FAAH2: variants seen among roughly 807,000 people sequenced by gnomAD.
The protein encoded by FAAH2 is fatty-acid amide hydrolase 2.
FAAH2 carries 60 observed loss-of-function variants against 36.9 expected under a neutral mutation model. The ratio of observed to expected loss-of-function variants is 1.63; its 90% CI spans 1.32 to 2.02. The LOEUF (loss-of-function observed/expected upper bound fraction) is 2.02, where lower values mean the gene tolerates loss of function less well. FAAH2 is among the 30% of genes most tolerant of loss of function. The probability of loss-of-function intolerance (pLI) is 0.00; values close to 1 mark genes in which losing one functional copy is unlikely to be tolerated. For synonymous variants in FAAH2, 214 were observed against 143.8 expected (o/e 1.49, Z -3.49); for missense variants, 689 against 397.5 (o/e 1.73, Z -6.23).
At chrX:57,199,319 C>T in the FAAH2 span, among the ~76,000 whole-genome samples, 1 of 110,592 alleles carries the variant, frequency 9.0e-6, no homozygotes, top group Non-Finnish European at 1.9e-5. Context: ...TTTTCAATTT[C>T]CTTCTCAATT....
chrX:57,194,174 G>A, the FAAH2 span, among the ~76,000 whole-genome samples: 1 of 111,217 alleles, frequency 9.0e-6, no homozygotes, highest in Admixed American at 9.5e-5. Context: ...ATTACTAGGG[G>A]ACTTTTTATT....
chrX:57,229,331 G>A, the FAAH2 span: 1 of 111,457 alleles, frequency 9.0e-6, no homozygotes, highest in Non-Finnish European at 1.9e-5. Flanking sequence ...ACAATGGACG[G>A]CATCATTCCC....
rs1320633169 is a variant in FAAH2, at chrX:57,352,045, T to C, written c.742+10655T>C. 2.3e-3 allele frequency among the ~76,000 whole-genome samples: 39 copies of C among 16,724 alleles called. 3 individuals carry two copies. The highest frequency in any genetic ancestry group is 0.041 in the East Asian group (2 of 49). 14.5% of individuals were successfully genotyped at this position (16,724 alleles called of 115,157 possible). On this transcript the variant is annotated intron_variant, in intron 5 of 10. Transcript: ENST00000374900. ...GTATATATATATATATACATATATA[T>C]ATGTGTATATATATATATATACACA... is the stretch of plus-strand genomic sequence containing the variant.
At chrX:57,411,606 C>T (rs947298621) in intron 7 of FAAH2, among the ~76,000 whole-genome samples, 4 of 111,892 alleles carry the variant, frequency 3.6e-5, no homozygotes, top group Non-Finnish European at 7.5e-5. Flanking sequence ...TAGTTAACTG[C>T]AGAGAATTCA....
chrX:57,231,242 AG>A, the FAAH2 span, among the ~76,000 whole-genome samples: 4 of 110,997 alleles, frequency 3.6e-5, no homozygotes, highest in Non-Finnish European at 7.6e-5. Context: ...TGGCCATTAT[AG>A]GTCAAGATCA....
chrX:57,300,144 G>T (rs1182126927), intron 2 of FAAH2, among the ~76,000 whole-genome samples: 2 of 111,254 alleles, frequency 1.8e-5, no homozygotes, highest in Non-Finnish European at 3.8e-5. Flanking sequence ...AGCCCGCATT[G>T]CCAAGTCAAT....
the FAAH2 span, among the ~76,000 whole-genome samples, chrX:57,244,632 C>A: frequency 9.0e-6 from 1 of 111,598 alleles, no homozygotes; most frequent in African/African-American, 3.3e-5. Flanking sequence ...CCAAACTAAT[C>A]TTCATAAGTG....
the FAAH2 span, among the ~76,000 whole-genome samples, chrX:57,122,317 C>T: frequency 9.0e-5 from 10 of 111,394 alleles, no homozygotes; most frequent in Non-Finnish European, 1.3e-4. Flanking sequence ...TTTCATTCAA[C>T]AAATATTTAT....
the FAAH2 span, among the ~76,000 whole-genome samples, chrX:57,147,757 C>A: frequency 2.7e-5 from 3 of 111,742 alleles, no homozygotes; most frequent in African/African-American, 9.7e-5. Context: ...TAGGTTCTTT[C>A]ACTATTATCA....
At chrX:57,363,530 C>T (rs769788591) in intron 5 of FAAH2, among the ~76,000 whole-genome samples, 4 of 111,114 alleles carry the variant, frequency 3.6e-5, no homozygotes, top group Admixed American at 2.9e-4. Context: ...AAATGACTTC[C>T]TTTCTTTTAT....
chrX:57,389,357 C>G (rs2055108684), intron 7 of FAAH2, among the ~76,000 whole-genome samples: 1 of 104,825 alleles, frequency 9.5e-6, no homozygotes, highest in African/African-American at 3.4e-5. Flanking sequence ...ACCCTCTGAC[C>G]AATATAGCTT....
At chrX:57,124,532 T>C in the FAAH2 span, among the ~76,000 whole-genome samples, 2 of 112,171 alleles carry the variant, frequency 1.8e-5, no homozygotes, top group Non-Finnish European at 3.8e-5. Context: ...TTTTTCCAAT[T>C]CTGTGAAGAA....
At chrX:57,468,748 T>A (rs1450201435) in intron 10 of FAAH2, among the ~76,000 whole-genome samples, 1 of 111,171 alleles carries the variant, frequency 9.0e-6, no homozygotes, top group Non-Finnish European at 1.9e-5. Flanking sequence ...ATACAGAGAA[T>A]GCTGCAAAGA....
chrX:57,225,905 C>A, the FAAH2 span, among the ~76,000 whole-genome samples: 3 of 112,009 alleles, frequency 2.7e-5, no homozygotes, highest in Non-Finnish European at 3.8e-5. Flanking sequence ...CTCTTTGTGT[C>A]TTTTAACCAC....
chrX:57,448,439 A>G lies in FAAH2; in HGVS notation c.1229-85A>G, dbSNP rs963055444. On this transcript the variant is annotated intron_variant, in intron 9 of 10. Coordinates refer to ENST00000374900, the MANE Select transcript of FAAH2 (RefSeq NM_174912.4). Reference sequence around the variant, plus strand: ...TCTCAGTGTTCTATAATGAACATGTATTACTTGAATAAGAAAAGATAAAGA... The same window carrying G: ...TCTCAGTGTTCTATAATGAACATGTGTTACTTGAATAAGAAAAGATAAAGA... 4 of 856,139 alleles carry G rather than the reference A, an allele frequency of 4.7e-6. No homozygotes were observed. In the Admixed American group the frequency reaches 1.1e-4, roughly 23 times the overall value. 70.6% of individuals were successfully genotyped at this position (856,139 alleles called of 1,213,427 possible).
chrX:57,329,392 C>T (rs1043051985), intron 3 of FAAH2, among the ~76,000 whole-genome samples: 2 of 111,142 alleles, frequency 1.8e-5, no homozygotes, highest in Admixed American at 1.9e-4. Flanking sequence ...GTGGCAGTGG[C>T]TACTCAGGGT....
At chrX:57,292,634 C>T in intron 2 of FAAH2, 54 bp downstream of exon 2, 1 of 1,003,035 alleles carries the variant, frequency 1.0e-6, no homozygotes, top group Non-Finnish European at 1.4e-6. Flanking sequence ...TGTTCTACTT[C>T]TGTGGTCATG....
chrX:57,177,034 T>C, the FAAH2 span, among the ~76,000 whole-genome samples: 7 of 111,227 alleles, frequency 6.3e-5, no homozygotes, highest in African/African-American at 2.0e-4. Context: ...TCCCCAGTAT[T>C]TTTTTCACTT....
At chrX:57,307,017 A>ATATATATATATATATATATATATT (rs1413358411) in intron 2 of FAAH2, among the ~76,000 whole-genome samples, 1 of 74,113 alleles carries the variant, frequency 1.3e-5, no homozygotes. Flanking sequence ...ATATATATAT[A>ATATATATATATATATATATATATT]GCCTTTGTCC....
Sources: allele counts gnomAD v4.1 joint callset (sites outside exome capture counted in the v4.1 genomes callset), GRCh38; gene constraint gnomAD v4.1.1; transcripts MANE v1.5; gene names NCBI Gene and HGNC (gene_info 2026-07-23, HGNC 2026-07-21).